SNX29: variants seen among roughly 807,000 people sequenced by gnomAD.
SNX29 encodes the protein sorting nexin 29.
In SNX29, 78 loss-of-function variants were observed where a neutral mutation model predicts 102.1. The ratio of observed to expected loss-of-function variants is 0.76; its 90% CI spans 0.64 to 0.92. The LOEUF is 0.92. Ranked by LOEUF, SNX29 falls within the 40% of genes least tolerant of loss-of-function variation. The pLI is 0.00. For synonymous variants in SNX29, 580 were observed against 414.5 expected (o/e 1.40, Z -4.85); for missense variants, 1,280 against 1,061.7 (o/e 1.21, Z -2.86).
rs142693226 is a variant in SNX29 at position 11,989,221 on chromosome 16, C to T, written c.8-10076C>T. Among the ~76,000 whole-genome samples, 248 of 152,244 alleles carry T rather than the reference C, an allele frequency of 1.6e-3. 2 individuals carry two copies. Among genetic ancestry groups the T allele is most frequent in the African/African-American group, 5.7e-3 (236 of 41,544 alleles). ...CTCCTGACCTCAAGTGATCTGCCTGCCTTGGCCTCCCAAAGTGCTGGGATT... is the reference window on the plus strand; with the variant it reads ...CTCCTGACCTCAAGTGATCTGCCTGTCTTGGCCTCCCAAAGTGCTGGGATT... On this transcript the variant is annotated intron_variant, in intron 1 of 20. Transcript: ENST00000566228.
At chr16:12,269,554 T>A (rs2079030434) in intron 14 of SNX29, among the ~76,000 whole-genome samples, 1 of 152,186 alleles carries the variant, frequency 6.6e-6, no homozygotes, top group Non-Finnish European at 1.5e-5. Context: ...TATCCAGCCA[T>A]GTAGATAAAA....
intron 1 of SNX29, among the ~76,000 whole-genome samples, chr16:11,992,383 G>C (rs774706633): frequency 7.1e-6 from 1 of 140,952 alleles, no homozygotes; most frequent in Non-Finnish European, 1.6e-5. Flanking sequence ...ATTTAGTACA[G>C]TTGCATTGTT....
In SNX29 at chr16:12,241,616, C is replaced by T. The variant is rs184674200; in HGVS notation, c.1679-36317C>T. The stretch of plus-strand genomic sequence containing the variant: ...AGCGGGGATTACAGGCACCTGCCAC[C>T]ACACCTGGCTAATTTTTGTATTTTT... On this transcript the variant is annotated intron_variant, in intron 14 of 20. Transcript: ENST00000566228. 2.8e-3 allele frequency among the ~76,000 whole-genome samples: 422 copies of T among 152,244 alleles called. 5 individuals are homozygous for T. Among genetic ancestry groups the T allele is most frequent in the African/African-American group, 9.3e-3 (387 of 41,540 alleles).
At position 12,568,981 on chromosome 16, in the gene SNX29, C is replaced by T. The variant is rs1008326288; in HGVS notation, c.*352C>T. 5 of 341,158 alleles carry T rather than the reference C, an allele frequency of 1.5e-5. No homozygotes were observed. Among genetic ancestry groups the T allele is most frequent in the Non-Finnish European group, 2.1e-5 (4 of 186,406 alleles). The allele number at this position is 341,158 out of a possible 1,614,324, so 21.1% of individuals were successfully genotyped here. On this transcript the variant is annotated 3_prime_UTR_variant, in exon 21 of 21. Coordinates refer to ENST00000566228, the MANE Select transcript of SNX29 (RefSeq NM_032167.5). The stretch of plus-strand genomic sequence containing the variant: ...GGCTGGGTGCGCCATGGTTGAGAGG[C>T]AAAGGTGATCCCCTATATAGGAAGG...
chr16:12,331,876 A>G (rs942075840), intron 15 of SNX29, among the ~76,000 whole-genome samples: 1 of 152,110 alleles, frequency 6.6e-6, no homozygotes, highest in South Asian at 2.1e-4. Context: ...AGAATTAAAC[A>G]ATTTGGCCAA....
rs2079210077 is a variant in SNX29 at position 12,572,556 on chromosome 16, C to G, written c.*3927C>G. On this transcript the variant is annotated 3_prime_UTR_variant, in exon 21 of 21. Transcript: ENST00000566228. ...AGGGGGCTGCGACACCATCTGGCTC[C>G]TCACAGGGAGGTCCAGCCATGTTCT... 2 of 1,063,756 alleles carry G rather than the reference C, an allele frequency of 1.9e-6. No individual in the cohort carries two copies. Among genetic ancestry groups the G allele is most frequent in the Non-Finnish European group, 2.3e-6 (2 of 878,250 alleles). 65.9% of individuals were successfully genotyped at this position (1,063,756 alleles called of 1,614,324 possible).
At chr16:12,406,855 G>T (rs1213404066) in intron 18 of SNX29, among the ~76,000 whole-genome samples, 5 of 152,198 alleles carry the variant, frequency 3.3e-5, no homozygotes, top group Non-Finnish European at 7.3e-5. Context: ...GTTGCAGTGA[G>T]CTGAGATCGC....
intron 13 of SNX29, among the ~76,000 whole-genome samples, chr16:12,169,512 C>T (rs373144691): frequency 1.2e-4 from 18 of 152,136 alleles, no homozygotes; most frequent in African/African-American, 2.9e-4. Flanking sequence ...GCTTTGTCTT[C>T]GGGCAAGGCA....
intron 15 of SNX29, among the ~76,000 whole-genome samples, chr16:12,354,410 G>T (rs1189148586): frequency 1.3e-5 from 2 of 152,186 alleles, no homozygotes; most frequent in African/African-American, 4.8e-5. Flanking sequence ...CTGTGGAAGA[G>T]CACCAGGGTT....
At chr16:12,528,501 A>C (rs956163780) in intron 20 of SNX29, among the ~76,000 whole-genome samples, 4 of 152,078 alleles carry the variant, frequency 2.6e-5, no homozygotes, top group African/African-American at 9.7e-5. Flanking sequence ...CCCCCAGCCT[A>C]GCTTCTCTTG....
At chr16:12,004,628 C>A (rs1245170764) in intron 3 of SNX29, among the ~76,000 whole-genome samples, 1 of 152,108 alleles carries the variant, frequency 6.6e-6, no homozygotes, top group Non-Finnish European at 1.5e-5. Flanking sequence ...CTGTTCATGT[C>A]CCCCACCCTC....
chr16:12,240,633 G>A (rs1427852242), intron 14 of SNX29, among the ~76,000 whole-genome samples: 1 of 109,208 alleles, frequency 9.2e-6, no homozygotes, highest in Non-Finnish European at 1.7e-5. Context: ...GTCTCGCTCT[G>A]TCACCCAGGC....
intron 11 of SNX29, among the ~76,000 whole-genome samples, chr16:12,086,571 C>T (rs1031822780): frequency 3.3e-5 from 5 of 151,912 alleles, no homozygotes; most frequent in East Asian, 1.9e-4. Flanking sequence ...CCACCCCGCC[C>T]GGCTGTGTTT....
In SNX29 at chr16:12,322,869, C is replaced by T. The variant is rs1035763873; in HGVS notation, c.1783-33294C>T. On this transcript the variant is annotated intron_variant, in intron 15 of 20. Transcript: ENST00000566228. Reference sequence around the variant, plus strand: ...TCACTAGGGGACCACTGTCAGGATGCGGTCACTGGAGTCACTGGGGACCAC... The same window carrying T: ...TCACTAGGGGACCACTGTCAGGATGTGGTCACTGGAGTCACTGGGGACCAC... Among the ~76,000 whole-genome samples the T allele has an allele frequency of 6.7e-4, 94 of 139,340 alleles. 4 individuals are homozygous for T. Among genetic ancestry groups the T allele is most frequent in the African/African-American group, 2.1e-3 (74 of 34,770 alleles). 91.4% of individuals were successfully genotyped at this position (139,340 alleles called of 152,430 possible). A position where few individuals can be genotyped will look rare whatever the true frequency, so the allele number is the denominator to read the frequency against.
intron 15 of SNX29, among the ~76,000 whole-genome samples, chr16:12,312,458 C>A (rs373185760): frequency 1.3e-5 from 2 of 152,092 alleles, no homozygotes; most frequent in Non-Finnish European, 2.9e-5. Flanking sequence ...AAACCCTGTT[C>A]GTCTGCAGGA....
intron 19 of SNX29, among the ~76,000 whole-genome samples, chr16:12,498,594 G>C (rs900537787): frequency 2.0e-5 from 3 of 152,160 alleles, no homozygotes; most frequent in African/African-American, 7.2e-5. Context: ...AAATTAAACA[G>C]TTAAGGGCTC....
chr16:12,304,423 C>G (rs567001280), intron 15 of SNX29, among the ~76,000 whole-genome samples: 2 of 152,178 alleles, frequency 1.3e-5, no homozygotes, highest in Non-Finnish European at 2.9e-5. Context: ...CAGGTGCACG[C>G]CACCATGTCT....
intron 1 of SNX29, among the ~76,000 whole-genome samples, chr16:11,983,235 A>AT (rs557542669): frequency 0.11 from 14,201 of 129,084 alleles, 909 homozygotes; most frequent in South Asian, 0.16. Context: ...CTGGGTTACA[A>AT]TTTTTTTTTT....
chr16:12,301,621 CGTT>C (rs1350724381), intron 15 of SNX29, among the ~76,000 whole-genome samples: 5 of 152,228 alleles, frequency 3.3e-5, no homozygotes, highest in African/African-American at 1.2e-4. Flanking sequence ...TCGATTACGT[CGTT>C]GTTGGCTCTT....
Sources: allele counts gnomAD v4.1 joint callset (sites outside exome capture counted in the v4.1 genomes callset), GRCh38; gene constraint gnomAD v4.1.1; transcripts MANE v1.5; gene names NCBI Gene and HGNC (gene_info 2026-07-23, HGNC 2026-07-21).